Variants in CEP250 observed in about 807,000 individuals in gnomAD.
The protein encoded by CEP250 is centrosomal protein 250.
CEP250 carries 242 observed loss-of-function variants against 315.7 expected under a neutral mutation model. That is an observed-to-expected ratio of 0.77 (90% CI 0.69 to 0.85). The LOEUF is 0.85. Among genes scored for constraint, CEP250 ranks in the 40% least tolerant of loss-of-function variants. The pLI, the probability that CEP250 is intolerant of heterozygous loss-of-function variation, is 0.00. For missense variants in CEP250, 2,515 were observed against 2,886.4 expected, an observed-to-expected ratio of 0.87 and a Z score of 2.95; for synonymous variants, 1,088 against 1,175.0, an observed-to-expected ratio of 0.93 and a Z score of 1.51.
intron 4 of CEP250, 48 bp downstream of exon 4, chr20:35,462,601 G>T (rs1351562373): frequency 6.7e-7 from 1 of 1,499,032 alleles, no homozygotes; most frequent in East Asian, 2.4e-5. Context: ...AACCCCCAGA[G>T]CTAGGTGCTG....
At chr20:35,507,472 C>T (rs2064219372) in intron 30 of CEP250, among the ~76,000 whole-genome samples, 1 of 152,212 alleles carries the variant, frequency 6.6e-6, no homozygotes, top group African/African-American at 2.4e-5. Flanking sequence ...AGTCATTGCT[C>T]AGCCTTCTAG....
Position 35,472,744 on chromosome 20 carries a change from T to G in CEP250, c.1122T>G (p.Ser374Arg). The part of the protein sequence containing the change: ...GHENSLELDS[S>R]IFSQFDYQDA... ...AGAACTCTTTGGAATTGGACTCTAGTATCTTCTCCCAGTTTGATTACCAGG... is the reference window on the plus strand; with the variant it reads ...AGAACTCTTTGGAATTGGACTCTAGGATCTTCTCCCAGTTTGATTACCAGG... Residue 374 changes from serine to arginine, a missense_variant, in exon 12 of 35, where the codon AGT (serine) becomes AGG (arginine). By Grantham distance (110) the Ser-to-Arg change is moderately radical (BLOSUM62 -1). Coordinates refer to ENST00000397527, the MANE Select transcript of CEP250 (RefSeq NM_007186.6). The G allele has an allele frequency of 3.1e-6, 5 of 1,614,114 alleles. No individual in the cohort carries two copies. The highest frequency in any genetic ancestry group is 4.2e-6 in the Non-Finnish European group (5 of 1,179,952).
At chr20:35,481,788 G>A (rs768847127) in intron 20 of CEP250, among the ~76,000 whole-genome samples, 1 of 152,110 alleles carries the variant, frequency 6.6e-6, no homozygotes, top group Non-Finnish European at 1.5e-5. Flanking sequence ...CTGCAGCCTT[G>A]GCCTCCTGGG....
In CEP250 at chr20:35,474,048, C is replaced by A; in HGVS notation, c.1567C>A (p.Arg523Ser). ...ELHLAVRERE[R>S]LQEMLMGLEA... is the part of the protein sequence containing the mutation. ...GCACCTGGCTGTCCGGGAGAGGGAG[C>A]GTCTGTAAGTGAGACTAGTCTCCTC... Residue 523 changes from arginine (R) to serine (S), a missense_variant, in exon 14 of 35, where the codon CGT becomes AGT. Transcript: ENST00000397527. 6.4e-7 allele frequency: 1 copy of A among 1,552,250 alleles called. No homozygotes were observed. Among genetic ancestry groups the A allele is most frequent in the Non-Finnish European group, 8.7e-7 (1 of 1,153,062 alleles).
rs772205892 is a variant in CEP250 at position 35,503,675 on chromosome 20, C to T, written c.5306C>T (p.Thr1769Ile). The change falls in exon 30 of 35, where the codon ACC becomes ATC. Residue 1769 changes from threonine to isoleucine, a missense_variant. Coordinates refer to ENST00000397527, the MANE Select transcript of CEP250 (RefSeq NM_007186.6). This position sits in a 1 kb window ranked among gnomAD's most constrained non-coding sequence, Gnocchi z 4.2. ...LQGLHRKVGE[T>I]SLLLSQREQE... Reference sequence around the variant, plus strand: ...GGCCTGCACAGGAAGGTAGGTGAGACCAGCCTCCTCCTGTCCCAGCGAGAG... The same window carrying T: ...GGCCTGCACAGGAAGGTAGGTGAGATCAGCCTCCTCCTGTCCCAGCGAGAG... 1 of 1,614,004 alleles carries T rather than the reference C, an allele frequency of 6.2e-7. No individual in the cohort carries two copies. Among genetic ancestry groups the T allele is most frequent in the Non-Finnish European group, 8.5e-7 (1 of 1,179,976 alleles).
At chr20:35,480,213 A>G (rs540340162) in intron 20 of CEP250, 68 bp downstream of exon 20, 2 of 1,455,158 alleles carry the variant, frequency 1.4e-6, no homozygotes, top group Admixed American at 2.4e-5. Context: ...CTCTTGGTCC[A>G]GTTATTGCTG....
chr20:35,475,415 A>G (rs747799407), intron 14 of CEP250, 87 bp from the exon 15 acceptor site: 7 of 1,357,206 alleles, frequency 5.2e-6, no homozygotes, highest in Non-Finnish European at 6.1e-6. Context: ...ATTCTGTTGC[A>G]TAGCAAAGGT....
At chr20:35,475,851 T>C (rs2063158570) in intron 15 of CEP250, among the ~76,000 whole-genome samples, 1 of 152,200 alleles carries the variant, frequency 6.6e-6, no homozygotes, top group Non-Finnish European at 1.5e-5. Context: ...TGTCAGTCTC[T>C]TAAAACCATT....
chr20:35,504,521 TGAGA>T lies in CEP250; in HGVS notation c.6153_6156del (p.Arg2052IlefsTer21). The T allele has an allele frequency of 6.2e-7, 1 of 1,613,906 alleles. No homozygotes were observed. Among genetic ancestry groups the T allele is most frequent in the South Asian group, 1.1e-5 (1 of 91,030 alleles). On this transcript the variant is annotated frameshift_variant, in exon 30 of 35. Coordinates refer to ENST00000397527, the MANE Select transcript of CEP250 (RefSeq NM_007186.6). LOFTEE classifies it high-confidence loss of function. The stretch of plus-strand genomic sequence containing the variant: ...GCACTTGCCCAGAGGGATGAAGAGC[TGAGA>T]CATCAGCAGGAACGGGAGCAGCTGC...
intron 22 of CEP250, among the ~76,000 whole-genome samples, chr20:35,492,355 G>C (rs756935213): frequency 2.0e-4 from 30 of 152,156 alleles, no homozygotes; most frequent in Non-Finnish European, 3.7e-4. Context: ...AATGGGCACG[G>C]GGTTTATTTT....
intron 28 of CEP250, among the ~76,000 whole-genome samples, chr20:35,500,700 T>G (rs887249899): frequency 1.3e-5 from 2 of 152,246 alleles, no homozygotes; most frequent in African/African-American, 2.4e-5. Context: ...CGTGAGCCAC[T>G]GCGCCCAGCT....
chr20:35,504,634 A>G lies in CEP250; in HGVS notation c.6265A>G (p.Ile2089Val). Residue 2089 changes from isoleucine (I) to valine (V), a missense_variant, in exon 30 of 35, where the codon ATA (isoleucine) becomes GTA (valine). Transcript: ENST00000397527. Reference sequence around the variant, plus strand: ...GGGGCAAGAGAGAGAAGAGGAGGAGATAAGGGGCCTTCATCAGAGTGTAAG... The same window carrying G: ...GGGGCAAGAGAGAGAAGAGGAGGAGGTAAGGGGCCTTCATCAGAGTGTAAG... ...NLGQEREEEEIRGLHQSVREL... is the reference protein window; with the variant it reads ...NLGQEREEEEVRGLHQSVREL... 5.0e-6 allele frequency: 8 copies of G among 1,614,160 alleles called. No individual in the cohort carries two copies. The highest frequency in any genetic ancestry group is 6.8e-6 in the Non-Finnish European group (8 of 1,180,016).
chr20:35,488,721 C>T (rs1417856094), intron 20 of CEP250, among the ~76,000 whole-genome samples: 1 of 152,146 alleles, frequency 6.6e-6, no homozygotes, highest in Non-Finnish European at 1.5e-5. Context: ...ACCTCGGCCT[C>T]GCAAAATGTT....
chr20:35,457,035 G>A (rs2062646046), intron 1 of CEP250, among the ~76,000 whole-genome samples: 1 of 152,160 alleles, frequency 6.6e-6, no homozygotes, highest in Admixed American at 6.5e-5. Flanking sequence ...GCCCAACTCA[G>A]CCTCCCAAAG....
chr20:35,480,640 T>A (rs1481432189), intron 20 of CEP250, among the ~76,000 whole-genome samples: 1 of 148,658 alleles, frequency 6.7e-6, no homozygotes, highest in South Asian at 2.2e-4. Flanking sequence ...TCCCTCAGGC[T>A]GGAGTACAGT....
In CEP250 at chr20:35,504,088, C is replaced by T; in HGVS notation, c.5719C>T (p.Gln1907Ter). 6 of 1,609,276 alleles carry T rather than the reference C, an allele frequency of 3.7e-6. No individual in the cohort carries two copies. The highest frequency in any genetic ancestry group is 1.1e-5 in the South Asian group (1 of 90,704). ...ACAGGAGAAAGCTCTGTTGGCCCTC[C>T]AGCAGCAGTGTGCTGAGCAGGCACA... ...REQEKALLAL[Q>*]QQCAEQAQEH... Residue 1907 changes from glutamine to a stop codon, truncating the protein, a stop_gained, in exon 30 of 35, where the codon CAG becomes TAG. Transcript: ENST00000397527. LOFTEE classifies it high-confidence loss of function.
Position 35,513,885 on chromosome 20 carries a change from C to T in CEP250, c.*2259C>T, listed in dbSNP as rs143199406. 2.6e-4 allele frequency: 40 copies of T among 152,564 alleles called. No individual in the cohort carries two copies. The highest frequency in any genetic ancestry group is 8.2e-4 in the African/African-American group (34 of 41,600). The allele number at this position is 152,564 out of a possible 1,614,324, so 9.5% of individuals were successfully genotyped here. On this transcript the variant is annotated 3_prime_UTR_variant, in exon 35 of 35. Coordinates refer to ENST00000397527, the MANE Select transcript of CEP250 (RefSeq NM_007186.6). ...AGCCCCCCAGCTCCATTATAGACCT[C>T]GGCCTAGGGTCTCCCCTCCCCACCA...
rs773848854 is a variant in CEP250 at position 35,503,919 on chromosome 20, C to T, written c.5550C>T (p.Ala1850=). ...ADALQGALEQ[A]HMTLKERHGE... ...CCCTCCAGGGAGCTCTGGAGCAAGC[C>T]CATATGACACTGAAGGAGCGTCATG... The change falls in exon 30 of 35, where the codon GCC becomes GCT. Residue 1850 remains alanine, a synonymous_variant. Transcript: ENST00000397527. The surrounding 1 kb of genome is among the most constrained non-coding windows in gnomAD (Gnocchi z 4.2). 1 of 1,613,750 alleles carries T rather than the reference C, an allele frequency of 6.2e-7. No individual in the cohort carries two copies. The highest frequency in any genetic ancestry group is 8.5e-7 in the Non-Finnish European group (1 of 1,179,840).
chr20:35,507,842 G>A lies in CEP250; in HGVS notation c.6741G>A (p.Gln2247=). 2 of 1,603,676 alleles carry A rather than the reference G, an allele frequency of 1.2e-6. No homozygotes were observed. The change falls in exon 31 of 35, where the codon CAG becomes CAA. Residue 2247 remains glutamine, a synonymous_variant. Coordinates refer to ENST00000397527, the MANE Select transcript of CEP250 (RefSeq NM_007186.6). The part of the protein sequence containing the change: ...ELGSRGEQGV[Q]LGEVSGVEAE... ...GGTCCAGAGGGGAGCAGGGTGTGCAGCTGGGAGAGGTGAGCTGGGGGCTCT... is the reference window on the plus strand; with the variant it reads ...GGTCCAGAGGGGAGCAGGGTGTGCAACTGGGAGAGGTGAGCTGGGGGCTCT...
Sources: gnomAD v4.1 joint callset for allele counts (sites outside exome capture counted in the v4.1 genomes callset) on GRCh38, gnomAD v4.1.1 for gene constraint, Gnocchi (gnomAD v3.1) non-coding constraint, MANE v1.5 for transcripts, NCBI Gene and HGNC (gene_info 2026-07-23, HGNC 2026-07-21) for gene names.